The following APBA2 variants were observed in gnomAD, a reference collection of about 807,000 sequenced individuals.
The protein encoded by APBA2 is amyloid beta precursor protein binding family A member 2, also known as amyloid-beta A4 precursor protein-binding family A member 2.
APBA2 carries 30 observed loss-of-function variants against 75.0 expected under a neutral mutation model. That is an observed-to-expected ratio of 0.40 (90% CI 0.30 to 0.54). The LOEUF is 0.54. APBA2 is among the 20% of genes least tolerant of loss of function. The probability of loss-of-function intolerance (pLI) is 0.49; values close to 1 mark genes in which losing one functional copy is unlikely to be tolerated. For missense variants in APBA2, 801 were observed against 1,016.1 expected (o/e 0.79, Z 2.88); for synonymous variants, 444 against 409.6 (o/e 1.08, Z -1.01).
intron 1 of APBA2, among the ~76,000 whole-genome samples, chr15:28,894,262 C>G (rs2152614962): frequency 6.6e-6 from 1 of 152,314 alleles, no homozygotes; most frequent in South Asian, 2.1e-4. Context: ...CATCCATCCA[C>G]CCATCTACTC....
At chr15:29,049,057 T>G (rs1262506681) in intron 3 of APBA2, among the ~76,000 whole-genome samples, 1 of 152,202 alleles carries the variant, frequency 6.6e-6, no homozygotes, top group Non-Finnish European at 1.5e-5. Flanking sequence ...TTGAGATGGT[T>G]GGTCACTGTA....
At chr15:28,929,325 C>G (rs1246403239) in intron 2 of APBA2, among the ~76,000 whole-genome samples, 1 of 152,134 alleles carries the variant, frequency 6.6e-6, no homozygotes, top group Non-Finnish European at 1.5e-5. Flanking sequence ...ATAACGAGGC[C>G]AAGCCACCTG....
chr15:29,009,560 C>T (rs967178790), intron 3 of APBA2, among the ~76,000 whole-genome samples: 2 of 152,130 alleles, frequency 1.3e-5, no homozygotes, highest in Non-Finnish European at 2.9e-5. Flanking sequence ...AGGGTCCTCT[C>T]CCAGCCATAA....
chr15:28,944,552 ATCTGTTTCTTAGAG>A (rs1381698506), intron 2 of APBA2, among the ~76,000 whole-genome samples: 6 of 152,196 alleles, frequency 3.9e-5, no homozygotes, highest in African/African-American at 1.4e-4. Context: ...CCTCAAGCCC[ATCTGTTTCTTAGAG>A]TCGATGTCCC....
At chr15:28,902,408 A>C in intron 1 of APBA2, among the ~76,000 whole-genome samples, 1 of 152,174 alleles carries the variant, frequency 6.6e-6, no homozygotes, top group East Asian at 1.9e-4. Context: ...ATCAAAACTA[A>C]GGACACTCTG....
intron 4 of APBA2, among the ~76,000 whole-genome samples, chr15:29,070,118 G>A (rs1210481836): frequency 3.3e-5 from 5 of 151,724 alleles, no homozygotes; most frequent in Admixed American, 1.3e-4. Context: ...GAATTTAGAC[G>A]GGTATAGGAT....
intron 3 of APBA2, among the ~76,000 whole-genome samples, chr15:29,026,759 G>GA (rs11408948): frequency 0.31 from 45,725 of 145,720 alleles, 11,619 homozygotes; most frequent in African/African-American, 0.69. Context: ...TGAAAATACA[G>GA]AAAAAAAAAA....
At chr15:28,959,875 A>G (rs12595384) in intron 2 of APBA2, among the ~76,000 whole-genome samples, 4,409 of 152,128 alleles carry the variant, frequency 0.029, 313 homozygotes, top group East Asian at 0.24. Context: ...TGGGTGTGGG[A>G]GCTTGAGCCT....
intron 9 of APBA2, among the ~76,000 whole-genome samples, chr15:29,100,696 G>A (rs185839347): frequency 1.3e-5 from 2 of 152,332 alleles, no homozygotes; most frequent in Admixed American, 1.3e-4. Flanking sequence ...TGGCCTTGAT[G>A]CTTTCCTCTT....
chr15:28,979,724 G>T (rs1419207539), intron 2 of APBA2, among the ~76,000 whole-genome samples: 1 of 152,314 alleles, frequency 6.6e-6, no homozygotes, highest in East Asian at 1.9e-4. Flanking sequence ...CAAGTTGGGG[G>T]TGAGATGGAC....
At chr15:28,897,674 A>T (rs893428503) in intron 1 of APBA2, among the ~76,000 whole-genome samples, 10 of 151,236 alleles carry the variant, frequency 6.6e-5, no homozygotes, top group Non-Finnish European at 1.3e-4. Flanking sequence ...GTCGGTGAGG[A>T]TGTGGAACAA....
chr15:29,052,372 G>A (rs1302304729), intron 3 of APBA2, among the ~76,000 whole-genome samples: 1 of 151,326 alleles, frequency 6.6e-6, no homozygotes, highest in Non-Finnish European at 1.5e-5. Context: ...GGAGAATGGT[G>A]TGAACCCAGG....
At chr15:29,093,031 G>T (rs2043655009) in intron 6 of APBA2, 44 bp from the exon 7 acceptor site, 1 of 1,613,074 alleles carries the variant, frequency 6.2e-7, no homozygotes. Flanking sequence ...TTTGTTCAGG[G>T]GACTTCTCCT....
At chr15:28,957,793 T>C (rs1368855020) in intron 2 of APBA2, among the ~76,000 whole-genome samples, 1 of 152,166 alleles carries the variant, frequency 6.6e-6, no homozygotes. Flanking sequence ...CGCTGTCTCT[T>C]GCACCTGCAC....
chr15:29,040,073 G>A (rs542315214), intron 3 of APBA2, among the ~76,000 whole-genome samples: 13 of 152,292 alleles, frequency 8.5e-5, no homozygotes, highest in Non-Finnish European at 1.6e-4. Flanking sequence ...AAAGAGGAAC[G>A]CTGCAAGCTG....
At chr15:29,026,718 C>T (rs1477414376) in intron 3 of APBA2, among the ~76,000 whole-genome samples, 1 of 151,772 alleles carries the variant, frequency 6.6e-6, no homozygotes, top group Non-Finnish European at 1.5e-5. Flanking sequence ...TCAAGACCAT[C>T]CTATCTAACA....
intron 3 of APBA2, among the ~76,000 whole-genome samples, chr15:29,031,763 A>T (rs2040498564): frequency 6.6e-6 from 1 of 152,148 alleles, no homozygotes; most frequent in South Asian, 2.1e-4. Context: ...CAGAGTGCTA[A>T]TTGGTGCATT....
At chr15:28,943,599 C>T (rs1200773488) in intron 2 of APBA2, among the ~76,000 whole-genome samples, 1 of 152,226 alleles carries the variant, frequency 6.6e-6, no homozygotes, top group Non-Finnish European at 1.5e-5. Context: ...ATGTCTCAGC[C>T]ATCCCGAGCG....
At chr15:28,911,487 C>T (rs1013816647) in intron 1 of APBA2, among the ~76,000 whole-genome samples, 3 of 152,192 alleles carry the variant, frequency 2.0e-5, no homozygotes, top group African/African-American at 7.2e-5. Flanking sequence ...CTCAGACCCA[C>T]CGCTGCTCTT....
Sources: gnomAD v4.1 joint callset for allele counts (sites outside exome capture counted in the v4.1 genomes callset) on GRCh38, gnomAD v4.1.1 for gene constraint, MANE v1.5 for transcripts, NCBI Gene and HGNC (gene_info 2026-07-23, HGNC 2026-07-21) for gene names.